The following SPEF2 variants were observed in gnomAD, a reference collection of about 807,000 sequenced individuals.
SPEF2 encodes the protein sperm flagellar and cilia associated 2.
In SPEF2, 187 loss-of-function variants were observed where a neutral mutation model predicts 224.6. The ratio of observed to expected loss-of-function variants is 0.83; its 90% CI spans 0.74 to 0.94. The LOEUF (loss-of-function observed/expected upper bound fraction) is 0.94, where lower values mean the gene tolerates loss of function less well. Among genes scored for constraint, SPEF2 ranks in the 40% least tolerant of loss-of-function variants. The probability of loss-of-function intolerance (pLI) is 0.00; values close to 1 mark genes in which losing one functional copy is unlikely to be tolerated. For missense variants in SPEF2, 2,170 were observed against 2,135.6 expected, an observed-to-expected ratio of 1.02 and a Z score of -0.32; for synonymous variants, 715 against 707.3, an observed-to-expected ratio of 1.01 and a Z score of -0.17.
intron 2 of SPEF2, among the ~76,000 whole-genome samples, chr5:35,639,170 T>C (rs988948621): frequency 5.9e-5 from 9 of 152,168 alleles, no homozygotes; most frequent in African/African-American, 2.2e-4. Flanking sequence ...CACCTTTGGA[T>C]AGATGTGTGT....
At chr5:35,729,725 A>T (rs767494736) in intron 21 of SPEF2, among the ~76,000 whole-genome samples, 14 of 152,022 alleles carry the variant, frequency 9.2e-5, no homozygotes, top group Non-Finnish European at 1.9e-4. Context: ...CAGAATTCCT[A>T]CGTGTTGTGG....
At chr5:35,681,844 C>T (rs781575087) in intron 10 of SPEF2, among the ~76,000 whole-genome samples, 13 of 152,092 alleles carry the variant, frequency 8.5e-5, no homozygotes, top group Non-Finnish European at 1.8e-4. Context: ...TAATTGTGCT[C>T]CAAGAGAAGC....
At chr5:35,667,517 T>C (rs2149472824) in intron 9 of SPEF2, among the ~76,000 whole-genome samples, 1 of 152,030 alleles carries the variant, frequency 6.6e-6, no homozygotes, top group South Asian at 2.1e-4. Context: ...CTCATAGCAC[T>C]ATAAAACTTT....
At chr5:35,669,909 GC>G in intron 9 of SPEF2, 149 bp from the exon 10 acceptor site, 1 of 600,842 alleles carries the variant, frequency 1.7e-6, no homozygotes, top group African/African-American at 1.9e-5. Flanking sequence ...TATTGTCATT[GC>G]ACATATGGTA....
Position 35,767,856 on chromosome 5 carries a change from A to C in SPEF2, c.3802-3753A>C, listed in dbSNP as rs1752292633. Among the ~76,000 whole-genome samples, 3 of 152,248 alleles carry C rather than the reference A, an allele frequency of 2.0e-5. No homozygotes were observed. The South Asian group carries it at 6.2e-4, about 32-fold the overall frequency. The stretch of plus-strand genomic sequence containing the variant: ...GTTAGTGTGATGATCTCCACTTGCC[A>C]TCATAGAATCTCACACCCTTGACCT... On this transcript the variant is annotated intron_variant, in intron 26 of 36. Transcript: ENST00000356031.
At chr5:35,623,366 T>C (rs1339486503) in intron 1 of SPEF2, among the ~76,000 whole-genome samples, 1 of 152,162 alleles carries the variant, frequency 6.6e-6, no homozygotes, top group South Asian at 2.1e-4. Context: ...GCTTTTTAAA[T>C]GTAGTTGATA....
chr5:35,659,300 A>G (rs1749386020), intron 8 of SPEF2, 93 bp downstream of exon 8: 1 of 1,249,214 alleles, frequency 8.0e-7, no homozygotes, highest in African/African-American at 1.5e-5. Flanking sequence ...GTTGCCAATC[A>G]TCTAATAAGA....
intron 21 of SPEF2, among the ~76,000 whole-genome samples, chr5:35,731,027 C>T (rs916691827): frequency 6.6e-6 from 1 of 152,102 alleles, no homozygotes; most frequent in Non-Finnish European, 1.5e-5. Context: ...ATCGTAGGCA[C>T]TTGAACATTG....
intron 24 of SPEF2, among the ~76,000 whole-genome samples, chr5:35,758,109 T>C (rs1365444973): frequency 6.6e-6 from 1 of 152,226 alleles, no homozygotes; most frequent in Non-Finnish European, 1.5e-5. Context: ...TATTTCTTGA[T>C]ATTTTACAAA....
intron 26 of SPEF2, among the ~76,000 whole-genome samples, chr5:35,765,153 G>A (rs954314934): frequency 6.6e-6 from 1 of 152,046 alleles, no homozygotes; most frequent in Admixed American, 6.6e-5. Flanking sequence ...CAAGTCTATA[G>A]CTCTAAACAC....
intron 29 of SPEF2, 107 bp downstream of exon 29, chr5:35,776,502 A>G: frequency 7.4e-6 from 10 of 1,358,586 alleles, no homozygotes; most frequent in South Asian, 4.4e-5. Flanking sequence ...ACAAATATAA[A>G]TTTTGGCCTT....
chr5:35,729,116 C>T (rs1745179772), intron 21 of SPEF2, among the ~76,000 whole-genome samples: 1 of 152,072 alleles, frequency 6.6e-6, no homozygotes, highest in Non-Finnish European at 1.5e-5. Context: ...AAATATGGCA[C>T]CAGCTCCATG....
Position 35,644,463 on chromosome 5 carries a change from T to A in SPEF2, c.523T>A (p.Phe175Ile), listed in dbSNP as rs771072958. Residue 175 changes from phenylalanine (F) to isoleucine (I), a missense_variant, in exon 4 of 37, where the codon TTT becomes ATT. Transcript: ENST00000356031. ...GAAAGAAGATCTTGCCCATTTGCATTTTGAGAAACTTGAAAGATTTCAAAA... is the reference window on the plus strand; with the variant it reads ...GAAAGAAGATCTTGCCCATTTGCATATTGAGAAACTTGAAAGATTTCAAAA... ...HVKEDLAHLHFEKLERFQKLK... is the reference protein window; with the variant it reads ...HVKEDLAHLHIEKLERFQKLK... The A allele has an allele frequency of 6.2e-7, 1 of 1,611,146 alleles. No individual in the cohort carries two copies. The highest frequency in any genetic ancestry group is 8.5e-7 in the Non-Finnish European group (1 of 1,179,042).
chr5:35,651,466 A>C (rs962202418), intron 6 of SPEF2, among the ~76,000 whole-genome samples: 2 of 152,174 alleles, frequency 1.3e-5, no homozygotes, highest in Non-Finnish European at 2.9e-5. Flanking sequence ...TTCATCTGAG[A>C]ATCTAAATCC....
intron 21 of SPEF2, 53 bp downstream of exon 21, chr5:35,727,876 G>A (rs1021589815): frequency 3.9e-5 from 62 of 1,574,356 alleles, no homozygotes; most frequent in African/African-American, 1.1e-4. Context: ...CCTGCATATA[G>A]TAAGATTCAC....
At position 35,705,804 on chromosome 5, in the gene SPEF2, T is replaced by C. The variant is rs1451647924; in HGVS notation, c.2661T>C (p.Asn887=). 2.0e-6 allele frequency: 3 copies of C among 1,466,194 alleles called. No homozygotes were observed. Among genetic ancestry groups the C allele is most frequent in the Middle Eastern group, 2.3e-4 (1 of 4,354 alleles). The allele number at this position is 1,466,194 out of a possible 1,614,324, so 90.8% of individuals were successfully genotyped here. ...CGACTGAAATAGCAAAAAAAAAGAATAAAGGTATTTACATTTGTTTATAGT... is the reference window on the plus strand; with the variant it reads ...CGACTGAAATAGCAAAAAAAAAGAACAAAGGTATTTACATTTGTTTATAGT... ...ILTTEIAKKK[N]KVEKKLEEKE... Residue 887 remains asparagine, a synonymous_variant, in exon 18 of 37, where the codon AAT becomes AAC. Transcript: ENST00000356031.
chr5:35,670,045 T>G lies in SPEF2; in HGVS notation c.1356-14T>G, dbSNP rs755089889. 6.3e-7 allele frequency: 1 copy of G among 1,580,220 alleles called. No individual in the cohort carries two copies. Among genetic ancestry groups the G allele is most frequent in the South Asian group, 1.2e-5 (1 of 82,754 alleles). On this transcript the variant is annotated splice_polypyrimidine_tract_variant and intron_variant, in intron 9 of 36. Transcript: ENST00000356031. ...TAACCATTGATTCATCTCTACCTTT[T>G]TTTTGTGCGATAGTCTGATTCCGTA...
chr5:35,687,666 T>C (rs1312308434), intron 10 of SPEF2, among the ~76,000 whole-genome samples: 1 of 152,152 alleles, frequency 6.6e-6, no homozygotes, highest in Non-Finnish European at 1.5e-5. Context: ...ACTTTAACTT[T>C]CAAATCATTT....
chr5:35,641,673 C>G lies in SPEF2; in HGVS notation c.404C>G (p.Thr135Ser). The G allele has an allele frequency of 6.2e-7, 1 of 1,612,598 alleles. No individual in the cohort carries two copies. The highest frequency in any genetic ancestry group is 8.5e-7 in the Non-Finnish European group (1 of 1,179,388). ...NLRLQNMKSD[T>S]FQERLRHMIP... ...AGACTTCAAAACATGAAAAGTGATA[C>G]TTTTCAAGAGGTAGGTACATAAAAA... The change falls in exon 3 of 37, where the codon ACT becomes AGT. Residue 135 changes from threonine to serine, a missense_variant. By Grantham distance (58) the Thr-to-Ser change is moderately conservative (BLOSUM62 1). Coordinates refer to ENST00000356031, the MANE Select transcript of SPEF2 (RefSeq NM_024867.4).
Sources: gnomAD v4.1 joint callset for allele counts (sites outside exome capture counted in the v4.1 genomes callset) on GRCh38, gnomAD v4.1.1 for gene constraint, MANE v1.5 for transcripts, NCBI Gene and HGNC (gene_info 2026-07-23, HGNC 2026-07-21) for gene names.